The following RGS12 variants were observed in gnomAD, a reference collection of about 807,000 sequenced individuals.
RGS12 encodes regulator of G-protein signaling 12.
RGS12 carries 66 observed loss-of-function variants against 120.1 expected under a neutral mutation model. The ratio of observed to expected loss-of-function variants is 0.55; its 90% CI spans 0.45 to 0.67. The LOEUF (loss-of-function observed/expected upper bound fraction) is 0.67. Among genes scored for constraint, RGS12 ranks in the 30% least tolerant of loss-of-function variants. The pLI is 0.00. For missense variants in RGS12, 1,859 were observed against 1,957.7 expected, an observed-to-expected ratio of 0.95 and a Z score of 0.95; for synonymous variants, 827 against 804.7, an observed-to-expected ratio of 1.03 and a Z score of -0.47.
intron 2 of RGS12, among the ~76,000 whole-genome samples, chr4:3,333,345 G>A (rs1366455750): frequency 1.3e-5 from 2 of 152,072 alleles, no homozygotes; most frequent in East Asian, 1.9e-4. Flanking sequence ...TACCGTGCCC[G>A]GCCTGGTCTC....
At chr4:3,339,867 C>T (rs1471848760) in intron 2 of RGS12, among the ~76,000 whole-genome samples, 3 of 152,132 alleles carry the variant, frequency 2.0e-5, no homozygotes, top group African/African-American at 7.2e-5. Flanking sequence ...GTGAGCCCTC[C>T]CTTCATGGCC....
intron 3 of RGS12, among the ~76,000 whole-genome samples, chr4:3,381,412 A>G (rs1453011945): frequency 1.3e-5 from 2 of 152,178 alleles, no homozygotes; most frequent in South Asian, 2.1e-4. Context: ...GCAATTTACT[A>G]TATTAGTCCG....
At chr4:3,289,498 C>T (rs984161296), upstream of RGS12, among the ~76,000 whole-genome samples, 1 of 152,202 alleles carries the variant, frequency 6.6e-6, no homozygotes, top group African/African-American at 2.4e-5. Context: ...GCCACCGTGC[C>T]TGGCCTACAA....
At chr4:3,344,529 C>G (rs1305288343) in intron 3 of RGS12, among the ~76,000 whole-genome samples, 3 of 152,256 alleles carry the variant, frequency 2.0e-5, no homozygotes, top group Non-Finnish European at 4.4e-5. Context: ...TTTGGGCTGA[C>G]AGAGCTGTGC....
At chr4:3,336,296 T>C (rs564444670) in intron 2 of RGS12, among the ~76,000 whole-genome samples, 2 of 152,046 alleles carry the variant, frequency 1.3e-5, no homozygotes, top group Non-Finnish European at 2.9e-5. Flanking sequence ...CATCTCAGAG[T>C]CCCTCTGCCT....
chr4:3,385,423 T>C (rs1466951852), intron 3 of RGS12: 1 of 153,790 alleles, frequency 6.5e-6, no homozygotes, highest in African/African-American at 2.4e-5. Flanking sequence ...CCGTGTCCCC[T>C]GGTGAGCCAG....
At chr4:3,384,183 C>T (rs907702115) in intron 3 of RGS12, among the ~76,000 whole-genome samples, 5 of 152,176 alleles carry the variant, frequency 3.3e-5, no homozygotes, top group African/African-American at 9.7e-5. Flanking sequence ...AAGACGGAGT[C>T]TCACTCTCTC....
At chr4:3,309,786 G>T (rs1196748489) in intron 1 of RGS12, among the ~76,000 whole-genome samples, 38 of 139,412 alleles carry the variant, frequency 2.7e-4, no homozygotes, top group African/African-American at 1.1e-3. Flanking sequence ...GCAGGTGTCT[G>T]CTGAGGGGAA....
chr4:3,319,867 C>A (rs1725063817), intron 2 of RGS12, among the ~76,000 whole-genome samples: 1 of 152,234 alleles, frequency 6.6e-6, no homozygotes, highest in African/African-American at 2.4e-5. Context: ...CTGGGCCTCA[C>A]CTCACTTCTC....
At chr4:3,414,048 G>T in intron 4 of RGS12, 24 bp from the exon 5 acceptor site, 2 of 1,523,114 alleles carry the variant, frequency 1.3e-6, no homozygotes, top group Non-Finnish European at 1.8e-6. Flanking sequence ...AGGGGTGCAG[G>T]TGCTGTCTGT....
intron 3 of RGS12, among the ~76,000 whole-genome samples, chr4:3,375,622 C>T (rs1203136108): frequency 1.1e-5 from 1 of 94,070 alleles, no homozygotes. Flanking sequence ...GCCCTCATCT[C>T]CAGCCTCATC....
At chr4:3,438,092 G>T (rs552213133) in intron 17 of RGS12, among the ~76,000 whole-genome samples, 1 of 152,150 alleles carries the variant, frequency 6.6e-6, no homozygotes, top group Non-Finnish European at 1.5e-5. Flanking sequence ...GAGGGCAGCA[G>T]TTGGTAGCAG....
At chr4:3,385,494 G>A (rs76365676) in intron 3 of RGS12, 1,806 of 152,676 alleles carry the variant, frequency 0.012, 19 homozygotes, top group Non-Finnish European at 0.02. Context: ...CCTGCCTGAC[G>A]GCTCTGCGCC....
chr4:3,317,773 C>T lies in RGS12; in HGVS notation c.1603C>T (p.Gln535Ter). ...CGTGGGTGCTGGCTGTGGTTTCAAC[C>T]AGCGCTGGCTCCCGGTCCACGTGCT... is the stretch of plus-strand genomic sequence containing the variant. Reference protein sequence around the residue: ...GTVGAGCGFNQRWLPVHVLRE... With the variant: ...GTVGAGCGFN The change falls in exon 2 of 18, where the codon CAG (glutamine) becomes TAG (stop). Residue 535 changes from glutamine (Q) to a stop codon, truncating the protein, a stop_gained. Transcript: ENST00000336727. LOFTEE classifies it high-confidence loss of function. 6.2e-7 allele frequency: 1 copy of T among 1,613,508 alleles called. No homozygotes were observed. The highest frequency in any genetic ancestry group is 8.5e-7 in the Non-Finnish European group (1 of 1,179,976).
At chr4:3,286,156 G>C in the RGS12 span, among the ~76,000 whole-genome samples, 1 of 152,074 alleles carries the variant, frequency 6.6e-6, no homozygotes, top group East Asian at 1.9e-4. Context: ...GTCACCAACT[G>C]TCTGTTTTGC....
intron 6 of RGS12, 33 bp downstream of exon 6, chr4:3,414,877 G>GA: frequency 6.6e-7 from 1 of 1,506,424 alleles, no homozygotes; most frequent in Non-Finnish European, 9.2e-7. Flanking sequence ...GGGGCTGTGT[G>GA]AGAGTGGCGT....
At chr4:3,360,244 T>C (rs1715428258) in intron 3 of RGS12, among the ~76,000 whole-genome samples, 1 of 152,176 alleles carries the variant, frequency 6.6e-6, no homozygotes, top group African/African-American at 2.4e-5. Flanking sequence ...GTAATTTGAG[T>C]CTTCTCTTTT....
rs542679017 is a variant in RGS12 at position 3,362,987 on chromosome 4, A to T, written c.1998+19934A>T. Among the ~76,000 whole-genome samples, 323 of 138,060 alleles carry T rather than the reference A, an allele frequency of 2.3e-3. 6 individuals are homozygous for T. Among genetic ancestry groups the T allele is most frequent in the Admixed American group, 0.022 (301 of 13,744 alleles). 90.6% of individuals were successfully genotyped at this position (138,060 alleles called of 152,430 possible). A position where few individuals can be genotyped will look rare whatever the true frequency, so the allele number is the denominator to read the frequency against. ...TGAAGGCATGTGTGTGAGGGTGTGTATATGTGTGAGAGTGTGCACGTCTGT... is the reference window on the plus strand; with the variant it reads ...TGAAGGCATGTGTGTGAGGGTGTGTTTATGTGTGAGAGTGTGCACGTCTGT... On this transcript the variant is annotated intron_variant, in intron 3 of 17. Coordinates refer to ENST00000336727, the MANE Select transcript of RGS12 (RefSeq NM_001394154.1).
chr4:3,335,861 AG>A (rs2108751442), intron 2 of RGS12, among the ~76,000 whole-genome samples: 1 of 152,272 alleles, frequency 6.6e-6, no homozygotes, highest in East Asian at 1.9e-4. Flanking sequence ...AGGCCAAGGC[AG>A]GCCGATCATT....
Sources: allele counts gnomAD v4.1 joint callset (sites outside exome capture counted in the v4.1 genomes callset), GRCh38; gene constraint gnomAD v4.1.1; transcripts MANE v1.5; gene names NCBI Gene and HGNC (gene_info 2026-07-23, HGNC 2026-07-21).